The following DCUN1D4 variants were observed in gnomAD, a reference collection of about 807,000 sequenced individuals.
DCUN1D4 encodes defective in cullin neddylation 1 domain containing 4.
In DCUN1D4, 22 loss-of-function variants were observed where a neutral mutation model predicts 47.9. That is an observed-to-expected ratio of 0.46 (90% CI 0.33 to 0.66). The LOEUF (loss-of-function observed/expected upper bound fraction) is 0.66. DCUN1D4 is among the 30% of genes least tolerant of loss of function. The pLI is 0.02. For synonymous variants in DCUN1D4, 121 were observed against 112.2 expected (o/e 1.08, Z -0.50); for missense variants, 301 against 340.8 (o/e 0.88, Z 0.92).
Position 51,913,355 on chromosome 4 carries a change from T to A in DCUN1D4, c.786T>A (p.Ile262=). Reference sequence around the variant, plus strand: ...ATGTCCTAGAGTTTAGCAGAACAATTAATCTTGACCTCAGCAACTATGATG... The same window carrying A: ...ATGTCCTAGAGTTTAGCAGAACAATAAATCTTGACCTCAGCAACTATGATG... The part of the protein sequence containing the change: ...WCNVLEFSRT[I]NLDLSNYDED... Residue 262 remains isoleucine (I), a synonymous_variant, in exon 10 of 11, where the codon ATT becomes ATA. Transcript: ENST00000334635. 6.2e-7 allele frequency: 1 copy of A among 1,612,932 alleles called. No homozygotes were observed. Among genetic ancestry groups the A allele is most frequent in the Non-Finnish European group, 8.5e-7 (1 of 1,179,260 alleles).
intron 1 of DCUN1D4, chr4:51,843,751 G>A: frequency 8.5e-7 from 1 of 1,175,158 alleles, no homozygotes; most frequent in Non-Finnish European, 1.0e-6. Flanking sequence ...GGGTGAGTGC[G>A]AGGGGGGCGC....
At chr4:51,839,569 C>T (rs1393887500), upstream of DCUN1D4, among the ~76,000 whole-genome samples, 4 of 152,206 alleles carry the variant, frequency 2.6e-5, no homozygotes, top group Non-Finnish European at 5.9e-5. Context: ...ATCCTGCCCT[C>T]TATGGATAAA....
At chr4:51,860,376 A>G (rs761166653) in intron 1 of DCUN1D4, among the ~76,000 whole-genome samples, 5 of 152,270 alleles carry the variant, frequency 3.3e-5, no homozygotes, top group East Asian at 1.9e-4. Flanking sequence ...TTTAAACATA[A>G]TATCTGTATT....
At chr4:51,844,377 C>A (rs1460642451) in intron 1 of DCUN1D4, 3 of 984,216 alleles carry the variant, frequency 3.0e-6, no homozygotes, top group South Asian at 9.4e-5. Flanking sequence ...GGCCGTGGTT[C>A]CCCCCGGACG....
intron 1 of DCUN1D4, among the ~76,000 whole-genome samples, chr4:51,855,928 C>CT: frequency 6.6e-6 from 1 of 152,164 alleles, no homozygotes; most frequent in East Asian, 1.9e-4. Context: ...GCAGCCTTGG[C>CT]TTTAACAATT....
At chr4:51,841,519 G>C (rs1721651146), upstream of DCUN1D4, among the ~76,000 whole-genome samples, 1 of 152,136 alleles carries the variant, frequency 6.6e-6, no homozygotes, top group South Asian at 2.1e-4. Flanking sequence ...TGTTCTATGA[G>C]AGATTCTTGT....
intron 5 of DCUN1D4, among the ~76,000 whole-genome samples, chr4:51,880,491 C>T (rs966356693): frequency 2.0e-5 from 3 of 152,142 alleles, no homozygotes; most frequent in African/African-American, 7.2e-5. Flanking sequence ...TTCTCAGTTC[C>T]ACTTTGTACC....
intron 9 of DCUN1D4, 109 bp from the exon 10 acceptor site, chr4:51,913,181 A>G (rs1320691359): frequency 1.6e-6 from 1 of 638,820 alleles, no homozygotes; most frequent in Non-Finnish European, 2.6e-6. Flanking sequence ...CTCAAACAGA[A>G]AGAGTTAACC....
intron 6 of DCUN1D4, among the ~76,000 whole-genome samples, chr4:51,890,331 G>T (rs1730226287): frequency 6.6e-6 from 1 of 152,106 alleles, no homozygotes; most frequent in African/African-American, 2.4e-5. Context: ...TTGGGCACAG[G>T]GATGGTGTTT....
intron 1 of DCUN1D4, among the ~76,000 whole-genome samples, chr4:51,855,449 A>G (rs918874000): frequency 2.6e-5 from 4 of 152,186 alleles, no homozygotes; most frequent in African/African-American, 9.7e-5. Flanking sequence ...CCACTGGGAG[A>G]TGGAGGTACT....
At position 51,864,898 on chromosome 4, in the gene DCUN1D4, G is replaced by A. The variant is rs183588464; in HGVS notation, c.136+1189G>A. Among the ~76,000 whole-genome samples the A allele has an allele frequency of 6.3e-4, 96 of 152,266 alleles. No individual in the cohort carries two copies. The Middle Eastern group carries it at 0.01, about 16-fold the overall frequency. Reference sequence around the variant, plus strand: ...TCGTCTTTTAGACAACTATTTAGACGTCTCTTTAGATGACTAAATAGAGTG... The same window carrying A: ...TCGTCTTTTAGACAACTATTTAGACATCTCTTTAGATGACTAAATAGAGTG... On this transcript the variant is annotated intron_variant, in intron 3 of 10. Coordinates refer to ENST00000334635, the MANE Select transcript of DCUN1D4 (RefSeq NM_001040402.3).
intron 3 of DCUN1D4, among the ~76,000 whole-genome samples, chr4:51,868,030 C>T (rs1726249815): frequency 6.6e-6 from 1 of 152,262 alleles, no homozygotes; most frequent in Non-Finnish European, 1.5e-5. Flanking sequence ...GGTGTGTCAG[C>T]ATTGCCCCAA....
At chr4:51,873,676 A>C (rs1453167359) in intron 3 of DCUN1D4, among the ~76,000 whole-genome samples, 3 of 152,268 alleles carry the variant, frequency 2.0e-5, no homozygotes, top group African/African-American at 7.2e-5. Flanking sequence ...TTACCAAATG[A>C]AAGTTATGTT....
intron 1 of DCUN1D4, among the ~76,000 whole-genome samples, chr4:51,858,276 G>A (rs953756694): frequency 6.6e-6 from 1 of 152,142 alleles, no homozygotes; most frequent in Non-Finnish European, 1.5e-5. Flanking sequence ...AAGTATGAGA[G>A]CAACCATGTT....
chr4:51,864,588 T>G (rs919997385), intron 3 of DCUN1D4, among the ~76,000 whole-genome samples: 1 of 152,166 alleles, frequency 6.6e-6, no homozygotes, highest in Non-Finnish European at 1.5e-5. Flanking sequence ...ATCCTGGGTC[T>G]GGTGAGGGTC....
chr4:51,913,428 C>T, intron 10 of DCUN1D4, 36 bp downstream of exon 10: 4 of 1,582,382 alleles, frequency 2.5e-6, no homozygotes, highest in Non-Finnish European at 3.5e-6. Context: ...CATTCGTGTA[C>T]ATTTCTATAT....
At chr4:51,859,638 CAAAAAAAAAAAAAA>C (rs35981680) in intron 1 of DCUN1D4, among the ~76,000 whole-genome samples, 6 of 39,494 alleles carry the variant, frequency 1.5e-4, no homozygotes, top group Non-Finnish European at 1.7e-4. Flanking sequence ...TTAAAACAAG[CAAAAAAAAAAAAAA>C]AAAAAAAAAA....
At chr4:51,850,065 TCTC>T (rs1005828792) in intron 1 of DCUN1D4, among the ~76,000 whole-genome samples, 3 of 152,262 alleles carry the variant, frequency 2.0e-5, no homozygotes, top group African/African-American at 4.8e-5. Context: ...AGTCAGTGCT[TCTC>T]CTCCTGCCCC....
At chr4:51,891,204 A>G (rs1730374110) in intron 6 of DCUN1D4, among the ~76,000 whole-genome samples, 2 of 152,386 alleles carry the variant, frequency 1.3e-5, no homozygotes, top group Admixed American at 6.5e-5. Flanking sequence ...TTCACTTAAT[A>G]CATCTTGGAA....
Sources: gnomAD v4.1 joint callset for allele counts (sites outside exome capture counted in the v4.1 genomes callset) on GRCh38, gnomAD v4.1.1 for gene constraint, MANE v1.5 for transcripts, NCBI Gene and HGNC (gene_info 2026-07-23, HGNC 2026-07-21) for gene names.